TSPAN10: variants seen among roughly 807,000 people sequenced by gnomAD.
TSPAN10 encodes the protein tetraspanin 10, also known as tetraspanin-10.
TSPAN10 carries 11 observed loss-of-function variants against 15.0 expected under a neutral mutation model. That is an observed-to-expected ratio of 0.73 (90% CI 0.46 to 1.21). The LOEUF (loss-of-function observed/expected upper bound fraction) is 1.21. Ranked by LOEUF, TSPAN10 falls within the 50% of genes most tolerant of loss-of-function variation. The pLI is 0.00. For missense variants in TSPAN10, 486 were observed against 470.6 expected, an observed-to-expected ratio of 1.03 and a Z score of -0.30; for synonymous variants, 241 against 226.2, an observed-to-expected ratio of 1.07 and a Z score of -0.59.
At chr17:81,643,278 A>G (rs1279410075) in intron 1 of TSPAN10, among the ~76,000 whole-genome samples, 10 of 146,682 alleles carry the variant, frequency 6.8e-5, no homozygotes, top group East Asian at 2.0e-4. Flanking sequence ...GATTACAGGC[A>G]TGAGCCACCG....
chr17:81,647,337 C>T (rs972265977), intron 2 of TSPAN10: 1 of 444,662 alleles, frequency 2.2e-6, no homozygotes, highest in Middle Eastern at 3.3e-4. Flanking sequence ...TGTGCAGAGC[C>T]CCAGACATCA....
chr17:81,642,039 A>C (rs141529203), upstream of TSPAN10, among the ~76,000 whole-genome samples: 48 of 151,562 alleles, frequency 3.2e-4, no homozygotes, highest in Non-Finnish European at 6.0e-4. Context: ...GAGCTGATGG[A>C]GCGGCTGCTG....
intron 1 of TSPAN10, 59 bp downstream of exon 2, chr17:81,642,507 TAAGGG>T (rs1555691675): frequency 6.5e-7 from 1 of 1,541,344 alleles, no homozygotes; most frequent in Non-Finnish European, 8.8e-7. Context: ...CCTGAAGTCC[TAAGGG>T]AAGTCCCTGG....
At chr17:81,647,405 C>G in intron 2 of TSPAN10, 1 of 457,192 alleles carries the variant, frequency 2.2e-6, no homozygotes, top group Non-Finnish European at 4.4e-6. Flanking sequence ...GATCAACACT[C>G]CCTAGCTACC....
At chr17:81,641,105 C>A (rs1211960063), upstream of TSPAN10, among the ~76,000 whole-genome samples, 3 of 151,530 alleles carry the variant, frequency 2.0e-5, no homozygotes, top group Non-Finnish European at 2.9e-5. Flanking sequence ...GCAGAGGTTG[C>A]GGTGAGTCAA....
intron 1 of TSPAN10, among the ~76,000 whole-genome samples, chr17:81,643,610 CAA>C (rs777668849): frequency 6.6e-5 from 1 of 15,132 alleles, no homozygotes; most frequent in Middle Eastern, 0.029. Context: ...GACTCCGTCT[CAA>C]AAAAAAAAAA....
upstream of TSPAN10, chr17:81,642,349 C>T: frequency 1.2e-6 from 2 of 1,600,604 alleles, no homozygotes; most frequent in Non-Finnish European, 1.7e-6. Context: ...GCAGCCCAGC[C>T]ACAGAGGAGC....
At chr17:81,645,764 CAT>C (rs1207821440) in intron 2 of TSPAN10, 135 bp downstream of exon 3, 17 of 1,123,432 alleles carry the variant, frequency 1.5e-5, no homozygotes, top group Non-Finnish European at 2.2e-5. Context: ...CGTATACCCA[CAT>C]GTACACGCAT....
chr17:81,637,617 G>A, upstream of TSPAN10: 1 of 506,628 alleles, frequency 2.0e-6, no homozygotes, highest in East Asian at 3.3e-5. Flanking sequence ...TGGCCAAAAT[G>A]GTGAAACCCC....
chr17:81,642,995 T>TTATATATA (rs71968441), intron 1 of TSPAN10, among the ~76,000 whole-genome samples: 62 of 143,130 alleles, frequency 4.3e-4, no homozygotes, highest in African/African-American at 6.6e-4. Flanking sequence ...CTACAAAATA[T>TTATATATA]TATATATATA....
At chr17:81,642,045 T>C (rs1369799205), upstream of TSPAN10, among the ~76,000 whole-genome samples, 1 of 150,364 alleles carries the variant, frequency 6.7e-6, no homozygotes. Context: ...ATGGAGCGGC[T>C]GCTGACCCTG....
chr17:81,640,930 T>C (rs1474023127), upstream of TSPAN10, among the ~76,000 whole-genome samples: 1 of 151,702 alleles, frequency 6.6e-6, no homozygotes, highest in East Asian at 2.0e-4. Context: ...CCCAGCACTT[T>C]GGGAGGAGGA....
chr17:81,646,845 GT>G (rs2036261400), intron 2 of TSPAN10, among the ~76,000 whole-genome samples: 1 of 44,318 alleles, frequency 2.3e-5, no homozygotes, highest in Admixed American at 3.4e-4. Context: ...CTTTTTGTTG[GT>G]TTGTTTGTTT....
exon 1 of TSPAN10, chr17:81,642,434 C>T: frequency 6.2e-7 from 1 of 1,611,512 alleles, no homozygotes; most frequent in Non-Finnish European, 8.5e-7. Context: ...GGAGAGGAGC[C>T]CCTTACTGTC....
chr17:81,648,248 G>GC lies in TSPAN10; in HGVS notation c.1026dup (p.Ser343GlnfsTer?). On this transcript the variant is annotated frameshift_variant, in exon 3 of 3. Transcript: ENST00000611590. LOFTEE classifies it low-confidence loss of function (END_TRUNC). Reference sequence around the variant, plus strand: ...GGGGAGGACCGCGCTGGCCCCCAGAGCCCCAGCCCCGGCGCCCCGCCCGCT... The same window carrying GC: ...GGGGAGGACCGCGCTGGCCCCCAGAGCCCCCAGCCCCGGCGCCCCGCCCGCT... The GC allele has an allele frequency of 8.2e-7, 1 of 1,220,454 alleles. No homozygotes were observed. The highest frequency in any genetic ancestry group is 1.0e-6 in the Non-Finnish European group (1 of 982,268). The allele number at this position is 1,220,454 out of a possible 1,614,324, so 75.6% of individuals were successfully genotyped here. A position where few individuals can be genotyped will look rare whatever the true frequency, so the allele number is the denominator to read the frequency against.
Position 81,645,564 on chromosome 17 carries a change from C to T in TSPAN10, c.609C>T (p.Leu203=), listed in dbSNP as rs375821940. 3.4e-4 allele frequency: 550 copies of T among 1,611,866 alleles called. 7 individuals are homozygous for T. Among genetic ancestry groups the T allele is most frequent in the South Asian group, 2.9e-3 (267 of 90,680 alleles). ...ACGACCCAGACCTGCGCTTCCTCCT[C>T]GACCAAGTCCAGCTCGGGCTGAGGT... is the stretch of plus-strand genomic sequence containing the variant. The change falls in exon 2 of 3, where the codon CTC becomes CTT. Residue 203 remains leucine, a synonymous_variant. Coordinates refer to ENST00000611590, the Ensembl canonical transcript of TSPAN10.
chr17:81,646,565 A>C (rs1350410510), intron 2 of TSPAN10: 3 of 151,526 alleles, frequency 2.0e-5, no homozygotes, highest in Admixed American at 1.3e-4. Context: ...CTATAGTCCC[A>C]GCTACTCAGG....
chr17:81,648,031 G>A, exon 3 of TSPAN10: 5 of 1,602,454 alleles, frequency 3.1e-6, no homozygotes, highest in Non-Finnish European at 4.3e-6. Context: ...GGATGCGGAC[G>A]CAGCTCAGAG....
At chr17:81,643,707 C>T (rs2036204617) in intron 1 of TSPAN10, among the ~76,000 whole-genome samples, 1 of 152,096 alleles carries the variant, frequency 6.6e-6, no homozygotes, top group African/African-American at 2.4e-5. Context: ...GGCTTGAGCC[C>T]AGGAGTTTGA....
Sources: allele counts gnomAD v4.1 joint callset (sites outside exome capture counted in the v4.1 genomes callset), GRCh38; gene constraint gnomAD v4.1.1; transcripts MANE v1.5; gene names NCBI Gene and HGNC (gene_info 2026-07-23, HGNC 2026-07-21).